FGF12: variants seen among roughly 807,000 people sequenced by gnomAD.
FGF12 encodes the protein fibroblast growth factor 12.
A neutral mutation model predicts 23.6 loss-of-function variants in FGF12; 14 were observed. The ratio of observed to expected loss-of-function variants is 0.59; its 90% confidence interval spans 0.39 to 0.93. The LOEUF (loss-of-function observed/expected upper bound fraction) is 0.93, where lower values mean the gene tolerates loss of function less well. Ranked by LOEUF, FGF12 falls within the 40% of genes least tolerant of loss-of-function variation. The probability of loss-of-function intolerance (pLI) is 0.00; values close to 1 mark genes in which losing one functional copy is unlikely to be tolerated. For synonymous variants in FGF12, 62 were observed against 77.3 expected, an observed-to-expected ratio of 0.80 and a Z score of 1.04; for missense variants, 175 against 217.8, an observed-to-expected ratio of 0.80 and a Z score of 1.24.
chr3:192,515,860 A>G (rs1357998856), intron 2 of FGF12, among the ~76,000 whole-genome samples: 1 of 148,160 alleles, frequency 6.7e-6, no homozygotes, highest in Admixed American at 6.8e-5. Context: ...TCCTGATGCC[A>G]ACAATGCCCT....
chr3:192,614,139 A>G (rs988486478), intron 2 of FGF12, among the ~76,000 whole-genome samples: 2 of 151,908 alleles, frequency 1.3e-5, no homozygotes, highest in Non-Finnish European at 2.9e-5. Flanking sequence ...CACTCTGTAT[A>G]TCCCTACCAC....
chr3:192,230,829 T>C (rs1228195521), intron 4 of FGF12, among the ~76,000 whole-genome samples: 1 of 152,166 alleles, frequency 6.6e-6, no homozygotes, highest in Non-Finnish European at 1.5e-5. Context: ...CAAATTCATA[T>C]AGTGCATCAG....
chr3:192,644,337 G>A (rs1715919558), intron 2 of FGF12, among the ~76,000 whole-genome samples: 1 of 152,056 alleles, frequency 6.6e-6, no homozygotes, highest in South Asian at 2.1e-4. Flanking sequence ...TTGAGGGGAA[G>A]CAAAGTCCAA....
chr3:192,392,258 C>G (rs1442991068), intron 2 of FGF12, among the ~76,000 whole-genome samples: 2 of 151,926 alleles, frequency 1.3e-5, no homozygotes, highest in Non-Finnish European at 2.9e-5. Context: ...CACTGAAGAT[C>G]ATAAGATTCA....
chr3:192,694,361 C>G (rs1254250162), intron 2 of FGF12, among the ~76,000 whole-genome samples: 1 of 152,068 alleles, frequency 6.6e-6, no homozygotes, highest in Admixed American at 6.6e-5. Context: ...AAAAATACAA[C>G]TATCACATGT....
intron 2 of FGF12, among the ~76,000 whole-genome samples, chr3:192,559,913 T>C (rs529529338): frequency 2.4e-4 from 37 of 152,244 alleles, no homozygotes; most frequent in Middle Eastern, 3.4e-3. Flanking sequence ...TTGATATTTA[T>C]AGGACACTAC....
intron 2 of FGF12, among the ~76,000 whole-genome samples, chr3:192,582,345 A>G (rs1477948343): frequency 6.6e-6 from 1 of 152,120 alleles, no homozygotes; most frequent in Non-Finnish European, 1.5e-5. Context: ...CCTATAAAGG[A>G]GGGGAACTCT....
At chr3:192,613,763 G>A (rs1007713801) in intron 2 of FGF12, among the ~76,000 whole-genome samples, 1 of 151,786 alleles carries the variant, frequency 6.6e-6, no homozygotes, top group African/African-American at 2.4e-5. Flanking sequence ...CATATTATTG[G>A]AAACATCCAA....
At chr3:192,555,630 CAAAA>C (rs11289130) in intron 2 of FGF12, among the ~76,000 whole-genome samples, 6 of 84,014 alleles carry the variant, frequency 7.1e-5, no homozygotes, top group Admixed American at 2.7e-4. Flanking sequence ...TAAAAAGTAC[CAAAA>C]AAAAAAAAAA....
intron 4 of FGF12, among the ~76,000 whole-genome samples, chr3:192,279,307 GATAA>G (rs1245080733): frequency 6.7e-6 from 1 of 150,152 alleles, no homozygotes; most frequent in African/African-American, 2.5e-5. Flanking sequence ...CACTCTGTGA[GATAA>G]ATATGTCTCT....
At chr3:192,555,769 G>A (rs1711744094) in intron 2 of FGF12, among the ~76,000 whole-genome samples, 3 of 151,162 alleles carry the variant, frequency 2.0e-5, no homozygotes, top group African/African-American at 4.9e-5. Flanking sequence ...TTGCACTCCA[G>A]CCTGGATGAC....
At chr3:192,150,014 G>A (rs1212841633) in intron 5 of FGF12, among the ~76,000 whole-genome samples, 1 of 113,988 alleles carries the variant, frequency 8.8e-6, no homozygotes, top group African/African-American at 3.3e-5. Flanking sequence ...ATTCTAACTG[G>A]TGTGAGATGG....
chr3:192,228,689 CAGAAT>C (rs1467934276), intron 4 of FGF12, among the ~76,000 whole-genome samples: 1 of 151,982 alleles, frequency 6.6e-6, no homozygotes, highest in African/African-American at 2.4e-5. Context: ...AAACAATACT[CAGAAT>C]TGAATGTCAT....
At chr3:192,433,991 C>T (rs937614753) in intron 2 of FGF12, among the ~76,000 whole-genome samples, 1 of 152,186 alleles carries the variant, frequency 6.6e-6, no homozygotes, top group Non-Finnish European at 1.5e-5. Context: ...CCTACCAAAA[C>T]CAAGCTAAAT....
At chr3:192,392,500 G>T (rs1720340103) in intron 2 of FGF12, among the ~76,000 whole-genome samples, 1 of 151,936 alleles carries the variant, frequency 6.6e-6, no homozygotes, top group Non-Finnish European at 1.5e-5. Flanking sequence ...GGAGGCTGAG[G>T]CAGGAGAATC....
At chr3:192,381,760 C>A (rs1180286787) in intron 2 of FGF12, among the ~76,000 whole-genome samples, 9 of 152,090 alleles carry the variant, frequency 5.9e-5, no homozygotes, top group Admixed American at 5.9e-4. Context: ...AGAAAAGGTT[C>A]AAAGTCAGAA....
chr3:192,293,147 A>C (rs578133646), intron 4 of FGF12, among the ~76,000 whole-genome samples: 21 of 152,290 alleles, frequency 1.4e-4, no homozygotes, highest in Non-Finnish European at 2.8e-4. Flanking sequence ...GACATCTGAG[A>C]AAGAGATATT....
chr3:192,209,142 A>G (rs1352668315), intron 4 of FGF12, among the ~76,000 whole-genome samples: 1 of 152,186 alleles, frequency 6.6e-6, no homozygotes, highest in African/African-American at 2.4e-5. Context: ...ATATTATGGG[A>G]CTTTCAGAAA....
At chr3:192,345,001 C>T (rs1717883846) in intron 3 of FGF12, among the ~76,000 whole-genome samples, 1 of 152,156 alleles carries the variant, frequency 6.6e-6, no homozygotes, top group Non-Finnish European at 1.5e-5. Flanking sequence ...TCCATAAGAT[C>T]AATGGGCAGA....
Sources: allele counts gnomAD v4.1 joint callset (sites outside exome capture counted in the v4.1 genomes callset), GRCh38; gene constraint gnomAD v4.1.1; transcripts MANE v1.5; gene names NCBI Gene and HGNC (gene_info 2026-07-23, HGNC 2026-07-21).